The following CMSS1 variants were observed in gnomAD, a reference collection of about 807,000 sequenced individuals.
CMSS1 encodes cms1 ribosomal small subunit homolog.
CMSS1 carries 33 observed loss-of-function variants against 43.5 expected under a neutral mutation model. The ratio of observed to expected loss-of-function variants is 0.76; its 90% confidence interval spans 0.57 to 1.01. CMSS1 has a LOEUF of 1.01. Among genes scored for constraint, CMSS1 ranks in the 50% least tolerant of loss-of-function variants. The pLI is 0.00. For synonymous variants in CMSS1, 115 were observed against 117.2 expected, an observed-to-expected ratio of 0.98 and a Z score of 0.12; for missense variants, 313 against 326.4, an observed-to-expected ratio of 0.96 and a Z score of 0.32.
chr3:100,085,725 T>C (rs926608353), intron 1 of CMSS1, among the ~76,000 whole-genome samples: 1 of 152,212 alleles, frequency 6.6e-6, no homozygotes, highest in African/African-American at 2.4e-5. Flanking sequence ...GTCATTTTTG[T>C]CTGTCATCTG....
chr3:99,983,464 G>GTATATATA lies in CMSS1; in HGVS notation c.65-163471_65-163464dup, dbSNP rs1191587665. Among the ~76,000 whole-genome samples the GTATATATA allele has an allele frequency of 2.2e-3, 28 of 12,652 alleles. 1 individual carries two copies. Among genetic ancestry groups the GTATATATA allele is most frequent in the East Asian group, 6.0e-3 (1 of 168 alleles). The allele number at this position is 12,652 out of a possible 152,430, so 8.3% of individuals were successfully genotyped here. On this transcript the variant is annotated intron_variant, in intron 1 of 9. Transcript: ENST00000421999. ...TATGTATGTATATATATATATGTGT[G>GTATATATA]TATATATATATATATATATATATAT...
chr3:100,177,282 G>A (rs535229279), intron 9 of CMSS1, among the ~76,000 whole-genome samples: 11 of 152,240 alleles, frequency 7.2e-5, no homozygotes, highest in African/African-American at 2.2e-4. Context: ...TTACACACAC[G>A]CACATGCACA....
Position 100,108,518 on chromosome 3 carries a change from A to G in CMSS1, c.65-38455A>G, listed in dbSNP as rs550646933. 4.6e-5 allele frequency among the ~76,000 whole-genome samples: 7 copies of G among 152,300 alleles called. No individual in the cohort carries two copies. The East Asian group carries it at 7.7e-4, about 17-fold the overall frequency. On this transcript the variant is annotated intron_variant, in intron 1 of 9. Transcript: ENST00000421999. ...CCAGTGATGCCATCTGGGAAAATCT[A>G]TGCCCTTAGACATTAAATGCATTGT...
intron 1 of CMSS1, among the ~76,000 whole-genome samples, chr3:100,034,549 G>A (rs1402514371): frequency 6.6e-6 from 1 of 152,128 alleles, no homozygotes; most frequent in Non-Finnish European, 1.5e-5. Flanking sequence ...AAATTATTTG[G>A]GGCCTCAAAT....
chr3:99,849,494 C>A, intron 1 of CMSS1: 1 of 1,613,306 alleles, frequency 6.2e-7, no homozygotes, highest in Non-Finnish European at 8.5e-7. Context: ...GCCATGTATT[C>A]ATGAATTTTC....
chr3:100,170,095 A>G (rs576514584), intron 6 of CMSS1, among the ~76,000 whole-genome samples: 39 of 152,350 alleles, frequency 2.6e-4, no homozygotes, highest in African/African-American at 9.1e-4. Context: ...TTATAAGAAC[A>G]TCTGTTCTAT....
At chr3:99,920,553 A>C (rs1707093215) in intron 1 of CMSS1, among the ~76,000 whole-genome samples, 1 of 152,232 alleles carries the variant, frequency 6.6e-6, no homozygotes, top group Admixed American at 6.5e-5. Flanking sequence ...GTTGTCATGA[A>C]ACATGGATAG....
intron 1 of CMSS1, among the ~76,000 whole-genome samples, chr3:99,907,941 C>T (rs1161059244): frequency 6.6e-6 from 1 of 152,176 alleles, no homozygotes; most frequent in Non-Finnish European, 1.5e-5. Context: ...ACTCAGTAAG[C>T]ATTTTGAAAT....
intron 1 of CMSS1, among the ~76,000 whole-genome samples, chr3:99,999,543 G>A (rs904589508): frequency 6.6e-6 from 1 of 152,190 alleles, no homozygotes. Context: ...TCCTTACACT[G>A]TATAAGCTAA....
At chr3:99,879,575 A>C (rs1417771990) in intron 1 of CMSS1, among the ~76,000 whole-genome samples, 1 of 152,048 alleles carries the variant, frequency 6.6e-6, no homozygotes, top group Non-Finnish European at 1.5e-5. Flanking sequence ...CAGTCATCCA[A>C]GTATAGTAAG....
At chr3:99,907,691 C>T (rs1265835791) in intron 1 of CMSS1, among the ~76,000 whole-genome samples, 2 of 152,084 alleles carry the variant, frequency 1.3e-5, no homozygotes, top group Non-Finnish European at 2.9e-5. Context: ...TGCCCTAATC[C>T]CCTTCCCTTA....
At chr3:100,059,347 T>C (rs895776188) in intron 1 of CMSS1, among the ~76,000 whole-genome samples, 2 of 152,168 alleles carry the variant, frequency 1.3e-5, no homozygotes, top group African/African-American at 4.8e-5. Context: ...TTTGAGACAA[T>C]GAAAAATGCT....
At chr3:99,830,767 G>T (rs941353852) in intron 1 of CMSS1, among the ~76,000 whole-genome samples, 3 of 152,190 alleles carry the variant, frequency 2.0e-5, no homozygotes, top group African/African-American at 7.2e-5. Context: ...AAGAATGTCA[G>T]TAAAGTAATC....
chr3:100,032,218 T>C (rs981037035), intron 1 of CMSS1, among the ~76,000 whole-genome samples: 4 of 152,212 alleles, frequency 2.6e-5, no homozygotes, highest in Admixed American at 6.5e-5. Context: ...ATTATTGATA[T>C]GTATGCCTCT....
rs563317293 is a variant in CMSS1 at position 99,991,716 on chromosome 3, C to T, written c.65-155257C>T. Among the ~76,000 whole-genome samples, 9 of 151,918 alleles carry T rather than the reference C, an allele frequency of 5.9e-5. No individual in the cohort carries two copies. The South Asian group carries it at 1.9e-3, about 32-fold the overall frequency. On this transcript the variant is annotated intron_variant, in intron 1 of 9. Coordinates refer to ENST00000421999, the MANE Select transcript of CMSS1 (RefSeq NM_032359.4). ...GAGAACATGCTGTATTTGACTGTTG[C>T]TGCGTTATTTCAGTGAGGATAATGG...
chr3:99,931,171 A>G, intron 1 of CMSS1: 1 of 672,012 alleles, frequency 1.5e-6, no homozygotes. Context: ...TACAGCAGAG[A>G]AGGATATTAG....
chr3:99,848,181 T>TGAAC (rs1411522363), intron 1 of CMSS1: 1 of 1,539,616 alleles, frequency 6.5e-7, no homozygotes, highest in African/African-American at 1.4e-5. Flanking sequence ...AAAGTACGAG[T>TGAAC]TCAGTCAGTC....
At chr3:100,073,712 A>G (rs1576022137) in intron 1 of CMSS1, among the ~76,000 whole-genome samples, 2 of 152,202 alleles carry the variant, frequency 1.3e-5, no homozygotes, top group East Asian at 1.9e-4. Flanking sequence ...TTCTAACATG[A>G]CAGCCGGTGT....
intron 5 of CMSS1, among the ~76,000 whole-genome samples, chr3:100,166,619 G>A (rs942510103): frequency 2.6e-5 from 4 of 152,300 alleles, no homozygotes; most frequent in South Asian, 4.1e-4. Flanking sequence ...TGAAAAATAA[G>A]GAAGATGGAC....
Sources: gnomAD v4.1 joint callset for allele counts (sites outside exome capture counted in the v4.1 genomes callset) on GRCh38, gnomAD v4.1.1 for gene constraint, MANE v1.5 for transcripts, NCBI Gene and HGNC (gene_info 2026-07-23, HGNC 2026-07-21) for gene names.